SPAG16: variants seen among roughly 807,000 people sequenced by gnomAD.
SPAG16 encodes the protein sperm associated antigen 16.
Under a neutral mutation model 80.4 loss-of-function variants are expected in SPAG16, and 86 were observed. The observed-to-expected ratio is 1.07, with a 90% CI of 0.90 to 1.28. The LOEUF (loss-of-function observed/expected upper bound fraction) is 1.28. SPAG16 is among the 50% of genes most tolerant of loss of function. The pLI is 0.00. For synonymous variants in SPAG16, 294 were observed against 265.9 expected, an observed-to-expected ratio of 1.11 and a Z score of -1.03; for missense variants, 870 against 765.3, an observed-to-expected ratio of 1.14 and a Z score of -1.61.
intron 13 of SPAG16, 25 bp downstream of exon 13, chr2:214,014,102 C>T: frequency 6.2e-7 from 1 of 1,609,076 alleles, no homozygotes; most frequent in Non-Finnish European, 8.5e-7. Flanking sequence ...CACTTTTTTT[C>T]CCAGCTTTTG....
At chr2:213,957,211 G>A (rs2044190679) in intron 12 of SPAG16, among the ~76,000 whole-genome samples, 1 of 152,028 alleles carries the variant, frequency 6.6e-6, no homozygotes, top group Non-Finnish European at 1.5e-5. Context: ...TTATTGAAAT[G>A]CAGGACACTG....
intron 15 of SPAG16, among the ~76,000 whole-genome samples, chr2:214,335,205 G>C (rs1160906847): frequency 6.6e-6 from 1 of 152,086 alleles, no homozygotes; most frequent in Non-Finnish European, 1.5e-5. Context: ...GCCTAACAAT[G>C]AGCAAGGAAG....
At chr2:213,779,162 A>G (rs2069787364) in intron 10 of SPAG16, among the ~76,000 whole-genome samples, 1 of 151,902 alleles carries the variant, frequency 6.6e-6, no homozygotes, top group Non-Finnish European at 1.5e-5. Flanking sequence ...GAATATTGCT[A>G]CTCCATAAGT....
At chr2:213,492,600 G>A (rs1321803032) in intron 10 of SPAG16, among the ~76,000 whole-genome samples, 1 of 149,152 alleles carries the variant, frequency 6.7e-6, no homozygotes, top group Non-Finnish European at 1.5e-5. Flanking sequence ...CCCCTCTACA[G>A]ACATACACAT....
intron 10 of SPAG16, among the ~76,000 whole-genome samples, chr2:213,765,183 A>G (rs1411856683): frequency 6.6e-6 from 1 of 152,242 alleles, no homozygotes; most frequent in Non-Finnish European, 1.5e-5. Flanking sequence ...ATCCTGGCCA[A>G]CACGGTGAAA....
At chr2:213,607,228 T>C (rs1411340580) in intron 10 of SPAG16, among the ~76,000 whole-genome samples, 1 of 152,244 alleles carries the variant, frequency 6.6e-6, no homozygotes, top group Admixed American at 6.5e-5. Flanking sequence ...AATCAATTAT[T>C]AAAATTTAAA....
chr2:214,332,937 C>T (rs1353821082), intron 15 of SPAG16, among the ~76,000 whole-genome samples: 1 of 152,060 alleles, frequency 6.6e-6, no homozygotes, highest in Non-Finnish European at 1.5e-5. Context: ...CTTTATATGC[C>T]CATTTGCCTC....
intron 15 of SPAG16, among the ~76,000 whole-genome samples, chr2:214,203,981 C>T (rs932655061): frequency 1.8e-4 from 28 of 152,144 alleles, no homozygotes; most frequent in Admixed American, 9.8e-4. Flanking sequence ...AACTCAGTAC[C>T]GTTGTGGGGG....
chr2:214,000,529 ATATT>A (rs1188277410), intron 12 of SPAG16, among the ~76,000 whole-genome samples: 32 of 152,338 alleles, frequency 2.1e-4, no homozygotes, highest in African/African-American at 7.2e-4. Flanking sequence ...TTAAAAATAA[ATATT>A]TATTGAGTAC....
intron 14 of SPAG16, among the ~76,000 whole-genome samples, chr2:214,116,202 G>GA (rs1252647846): frequency 6.6e-6 from 1 of 152,220 alleles, no homozygotes; most frequent in Non-Finnish European, 1.5e-5. Context: ...CTGCCTCAGT[G>GA]AAGAGACTTG....
chr2:214,379,396 G>C (rs1468216508), intron 15 of SPAG16, among the ~76,000 whole-genome samples: 1 of 152,188 alleles, frequency 6.6e-6, no homozygotes, highest in African/African-American at 2.4e-5. Flanking sequence ...TGTCAGAGCT[G>C]TTATTAGCCT....
At chr2:214,202,088 C>A (rs2058025048) in intron 15 of SPAG16, among the ~76,000 whole-genome samples, 1 of 152,146 alleles carries the variant, frequency 6.6e-6, no homozygotes, top group Non-Finnish European at 1.5e-5. Context: ...CTTGAGTAAT[C>A]TCCCTGCTGG....
intron 15 of SPAG16, among the ~76,000 whole-genome samples, chr2:214,182,959 G>T (rs964559701): frequency 2.0e-5 from 3 of 151,868 alleles, no homozygotes; most frequent in Non-Finnish European, 4.4e-5. Flanking sequence ...CTCTAGAAGA[G>T]GTCATAGCGA....
At chr2:213,465,020 G>C (rs990511852) in intron 9 of SPAG16, among the ~76,000 whole-genome samples, 3 of 152,136 alleles carry the variant, frequency 2.0e-5, no homozygotes, top group African/African-American at 7.2e-5. Flanking sequence ...TGCCAATTTA[G>C]CTGCTTGATC....
intron 13 of SPAG16, among the ~76,000 whole-genome samples, chr2:214,077,354 C>A (rs1236694596): frequency 1.3e-5 from 2 of 152,180 alleles, no homozygotes; most frequent in African/African-American, 4.8e-5. Context: ...ATTTGTTCTT[C>A]TAAACACATG....
At chr2:214,221,776 G>A (rs1349761648) in intron 15 of SPAG16, among the ~76,000 whole-genome samples, 1 of 151,988 alleles carries the variant, frequency 6.6e-6, no homozygotes, top group Non-Finnish European at 1.5e-5. Context: ...TATTTTTCGT[G>A]TTTTCACTTT....
intron 9 of SPAG16, among the ~76,000 whole-genome samples, chr2:213,380,570 A>G (rs371698275): frequency 9.2e-5 from 14 of 152,288 alleles, no homozygotes; most frequent in African/African-American, 3.4e-4. Context: ...TTATGGCTAG[A>G]TGTGTCAGAA....
At chr2:213,297,773 T>A (rs1186930950) in intron 3 of SPAG16, among the ~76,000 whole-genome samples, 1 of 152,186 alleles carries the variant, frequency 6.6e-6, no homozygotes, top group African/African-American at 2.4e-5. Flanking sequence ...GTGAGGCTTA[T>A]GAACTAATTA....
intron 15 of SPAG16, among the ~76,000 whole-genome samples, chr2:214,294,338 A>G (rs1262950346): frequency 1.3e-5 from 2 of 152,088 alleles, no homozygotes; most frequent in Non-Finnish European, 2.9e-5. Flanking sequence ...GTCAATCCCA[A>G]CTGAGAAGGC....
Sources: allele counts gnomAD v4.1 joint callset (sites outside exome capture counted in the v4.1 genomes callset), GRCh38; gene constraint gnomAD v4.1.1; transcripts MANE v1.5; gene names NCBI Gene and HGNC (gene_info 2026-07-23, HGNC 2026-07-21).